KAT2B: variants seen among roughly 807,000 people sequenced by gnomAD.
The protein encoded by KAT2B is histone acetyltransferase KAT2B.
KAT2B carries 36 observed loss-of-function variants against 105.9 expected under a neutral mutation model. The observed-to-expected ratio is 0.34, with a 90% CI of 0.26 to 0.45. The LOEUF (loss-of-function observed/expected upper bound fraction) is 0.45. KAT2B is among the 20% of genes least tolerant of loss of function. The pLI, the probability that KAT2B is intolerant of heterozygous loss-of-function variation, is 1.00. For synonymous variants in KAT2B, 397 were observed against 377.9 expected (o/e 1.05, Z -0.59); for missense variants, 820 against 1,021.6 (o/e 0.80, Z 2.69).
chr3:20,073,812 A>G (rs1698370410), intron 2 of KAT2B, among the ~76,000 whole-genome samples: 1 of 152,224 alleles, frequency 6.6e-6, no homozygotes, highest in African/African-American at 2.4e-5. Flanking sequence ...TGACGTAATA[A>G]ATGTCTGGAC....
intron 2 of KAT2B, among the ~76,000 whole-genome samples, chr3:20,093,634 T>A (rs543459351): frequency 6.6e-6 from 1 of 152,302 alleles, no homozygotes; most frequent in South Asian, 2.1e-4. Flanking sequence ...CAGATATTCC[T>A]CAATAGCCTT....
chr3:20,148,618 A>G, intron 17 of KAT2B, 131 bp downstream of exon 17: 2 of 673,298 alleles, frequency 3.0e-6, no homozygotes, highest in Non-Finnish European at 2.5e-6. Flanking sequence ...GTGGGATTCC[A>G]TGCACCGTGG....
intron 1 of KAT2B, among the ~76,000 whole-genome samples, chr3:20,055,006 A>C (rs1410857972): frequency 6.6e-6 from 1 of 152,148 alleles, no homozygotes; most frequent in African/African-American, 2.4e-5. Flanking sequence ...TCAAGCATGA[A>C]GTCAATGCAG....
intron 3 of KAT2B, among the ~76,000 whole-genome samples, chr3:20,097,673 A>G (rs539330349): frequency 1.2e-4 from 19 of 152,152 alleles, no homozygotes; most frequent in African/African-American, 3.9e-4. Context: ...AGTAGCTGGG[A>G]TTACAGGTGT....
chr3:20,108,165 T>G (rs1171299416), intron 5 of KAT2B, among the ~76,000 whole-genome samples: 4 of 152,184 alleles, frequency 2.6e-5, no homozygotes, highest in Non-Finnish European at 5.9e-5. Context: ...TTTAAACAAT[T>G]AAAACTAAAT....
At chr3:20,123,072 C>A in intron 9 of KAT2B, 1 of 510,136 alleles carries the variant, frequency 2.0e-6, no homozygotes, top group Non-Finnish European at 2.5e-6. Context: ...AAATTTCAAG[C>A]CCTCATAAAT....
At chr3:20,075,208 G>A (rs1229015613) in intron 2 of KAT2B, among the ~76,000 whole-genome samples, 1 of 152,014 alleles carries the variant, frequency 6.6e-6, no homozygotes, top group Non-Finnish European at 1.5e-5. Flanking sequence ...AGGTTGTAGT[G>A]AGCCGAGATT....
rs565072794 is a variant in KAT2B at position 20,100,252 on chromosome 3, T to C, written c.669+298T>C. Among the ~76,000 whole-genome samples the C allele has an allele frequency of 3.3e-5, 5 of 152,316 alleles. No individual in the cohort carries two copies. The South Asian group carries it at 1.0e-3, about 32-fold the overall frequency. On this transcript the variant is annotated intron_variant, in intron 4 of 17. Coordinates refer to ENST00000263754, the MANE Select transcript of KAT2B (RefSeq NM_003884.5). ...AGAACACATGAAATGTGCTTTTTCT[T>C]GTTGTTGGTGCTTTAAAATGAAGTC...
intron 2 of KAT2B, among the ~76,000 whole-genome samples, chr3:20,073,303 T>G (rs895182172): frequency 1.3e-5 from 2 of 152,202 alleles, no homozygotes; most frequent in Admixed American, 6.5e-5. Context: ...TAGCACTCAC[T>G]GGGCAGAACG....
intron 1 of KAT2B, among the ~76,000 whole-genome samples, chr3:20,041,635 T>C (rs1289883755): frequency 1.3e-5 from 2 of 152,150 alleles, no homozygotes; most frequent in Non-Finnish European, 2.9e-5. Context: ...AGGCTGGCCC[T>C]GCGCTGTCAG....
chr3:20,135,864 A>G (rs576389820), intron 11 of KAT2B, among the ~76,000 whole-genome samples: 3 of 152,312 alleles, frequency 2.0e-5, no homozygotes, highest in Admixed American at 2.0e-4. Flanking sequence ...ACTAAGGTCA[A>G]TAAGTAGAAA....
rs905320664 is a variant in KAT2B, at chr3:20,040,596, C to T, written c.119C>T (p.Ser40Phe). Residue 40 changes from serine (S) to phenylalanine (F), a missense_variant, in exon 1 of 18, where the codon TCC becomes TTC. Coordinates refer to ENST00000263754, the MANE Select transcript of KAT2B (RefSeq NM_003884.5). ...CTTCCGCCCGCGCCCCCGCAGGGCT[C>T]CCCCTGCGCCGCTGCCGCCGGGGGC... ...AALPPAPPQG[S>F]PCAAAAGGSG... is the part of the protein sequence containing the mutation. 2 of 1,237,250 alleles carry T rather than the reference C, an allele frequency of 1.6e-6. No individual in the cohort carries two copies. The highest frequency in any genetic ancestry group is 2.6e-5 in the South Asian group (1 of 37,868). 76.6% of individuals were successfully genotyped at this position (1,237,250 alleles called of 1,614,324 possible). A position where few individuals can be genotyped will look rare whatever the true frequency, so the allele number is the denominator to read the frequency against.
chr3:20,104,165 C>G (rs569076920), intron 5 of KAT2B, among the ~76,000 whole-genome samples: 1 of 152,228 alleles, frequency 6.6e-6, no homozygotes, highest in African/African-American at 2.4e-5. Flanking sequence ...GCAAAAGAGT[C>G]CTTTATAGCC....
chr3:20,118,480 GCT>G (rs1259404739), intron 7 of KAT2B, among the ~76,000 whole-genome samples: 1 of 149,538 alleles, frequency 6.7e-6, no homozygotes, highest in Non-Finnish European at 1.5e-5. Context: ...ACTATGGGAG[GCT>G]TAGGTGGGCG....
intron 2 of KAT2B, among the ~76,000 whole-genome samples, chr3:20,080,626 G>A (rs1296155986): frequency 6.6e-6 from 1 of 152,152 alleles, no homozygotes; most frequent in African/African-American, 2.4e-5. Context: ...ATGAGGGCTG[G>A]TTGCATATAT....
chr3:20,074,862 GT>G (rs61105111), intron 2 of KAT2B, among the ~76,000 whole-genome samples: 88 of 152,292 alleles, frequency 5.8e-4, no homozygotes, highest in African/African-American at 2.0e-3. Flanking sequence ...TAACTCTGAA[GT>G]TTACCCCAAG....
chr3:20,054,190 C>T (rs560759901), intron 1 of KAT2B, among the ~76,000 whole-genome samples: 4 of 150,618 alleles, frequency 2.7e-5, no homozygotes, highest in East Asian at 1.9e-4. Flanking sequence ...AGTGCAGTGG[C>T]GCGATCTTGG....
At chr3:20,107,527 G>A (rs1186852185) in intron 5 of KAT2B, among the ~76,000 whole-genome samples, 20 of 150,386 alleles carry the variant, frequency 1.3e-4, no homozygotes, top group Non-Finnish European at 3.0e-5. Context: ...GCATGGTGGC[G>A]GGCACCTGTA....
intron 11 of KAT2B, among the ~76,000 whole-genome samples, chr3:20,132,271 G>T (rs1699524107): frequency 6.6e-6 from 1 of 152,210 alleles, no homozygotes; most frequent in Admixed American, 6.5e-5. Flanking sequence ...CTACTCAGAG[G>T]CTGAGGCAGG....
Sources: gnomAD v4.1 joint callset for allele counts (sites outside exome capture counted in the v4.1 genomes callset) on GRCh38, gnomAD v4.1.1 for gene constraint, MANE v1.5 for transcripts, NCBI Gene and HGNC (gene_info 2026-07-23, HGNC 2026-07-21) for gene names.